DNAH14: variants seen among roughly 807,000 people sequenced by gnomAD.
DNAH14 encodes axonemal beta dynein heavy chain 14.
Under a neutral mutation model 520.9 loss-of-function variants are expected in DNAH14, and 478 were observed. The observed-to-expected ratio is 0.92, with a 90% CI of 0.85 to 0.99. DNAH14 has a LOEUF of 0.99. DNAH14 is among the 50% of genes least tolerant of loss of function. DNAH14 has a pLI of 0.00. For missense variants in DNAH14, 4,831 were observed against 5,234.5 expected, an observed-to-expected ratio of 0.92 and a Z score of 2.38; for synonymous variants, 1,581 against 1,757.2, an observed-to-expected ratio of 0.90 and a Z score of 2.51.
intron 17 of DNAH14, among the ~76,000 whole-genome samples, chr1:225,072,038 G>A (rs180777294): frequency 1.2e-3 from 178 of 152,224 alleles, no homozygotes; most frequent in Non-Finnish European, 2.0e-3. Flanking sequence ...TGATCTTCTC[G>A]TGGATCTTAC....
chr1:225,377,702 A>G (rs1395947061), intron 79 of DNAH14, among the ~76,000 whole-genome samples: 1 of 152,226 alleles, frequency 6.6e-6, no homozygotes, highest in Non-Finnish European at 1.5e-5. Context: ...AGAGATATAT[A>G]GAAAAGTATA....
Position 225,204,252 on chromosome 1 carries a change from G to T in DNAH14, c.5956G>T (p.Val1986Phe). The T allele has an allele frequency of 6.7e-7, 1 of 1,485,412 alleles. No individual in the cohort carries two copies. The highest frequency in any genetic ancestry group is 8.9e-7 in the Non-Finnish European group (1 of 1,124,884). 92.0% of individuals were successfully genotyped at this position (1,485,412 alleles called of 1,614,324 possible). ...TATTTTTGAGGAGATAGAGAAAGTT[G>T]TTAAAATTCCAGAAAATCACAGTAA... The part of the protein sequence containing the change: ...DNIFEEIEKV[V>F]KIPENHNFDW... The change falls in exon 39 of 86, where the codon GTT becomes TTT. Residue 1986 changes from valine (V) to phenylalanine (F), a missense_variant. Transcript: ENST00000682510.
intron 35 of DNAH14, among the ~76,000 whole-genome samples, chr1:225,161,167 C>G (rs1256756194): frequency 6.6e-6 from 1 of 152,072 alleles, no homozygotes; most frequent in African/African-American, 2.4e-5. Context: ...CCTCCCACTC[C>G]CCCACTACCC....
chr1:225,180,727 T>C (rs368685563), intron 36 of DNAH14, among the ~76,000 whole-genome samples: 1 of 152,350 alleles, frequency 6.6e-6, no homozygotes, highest in South Asian at 2.1e-4. Flanking sequence ...GTGACAAATA[T>C]TCAAACTGTA....
rs369582767 is a variant in DNAH14 at position 225,350,768 on chromosome 1, AG to A, written c.11297-878del. On this transcript the variant is annotated intron_variant, in intron 71 of 85. Transcript: ENST00000682510. The stretch of plus-strand genomic sequence containing the variant: ...GTAATCAAACACTGCCAAAAAAAAA[AG>A]AAAATTTTAGGACCAGATGGCTTCA... 7.3e-4 allele frequency among the ~76,000 whole-genome samples: 111 copies of A among 152,220 alleles called. 2 individuals carry two copies. The South Asian group carries it at 0.023, about 31-fold the overall frequency.
Position 225,080,388 on chromosome 1 carries a change from C to T in DNAH14, c.2776C>T (p.Pro926Ser), listed in dbSNP as rs566806085. 1 of 1,531,486 alleles carries T rather than the reference C, an allele frequency of 6.5e-7. No homozygotes were observed. Among genetic ancestry groups the T allele is most frequent in the South Asian group, 1.3e-5 (1 of 79,790 alleles). 94.9% of individuals were successfully genotyped at this position (1,531,486 alleles called of 1,614,324 possible). The change falls in exon 19 of 86, where the codon CCT (proline) becomes TCT (serine). Residue 926 changes from proline to serine, a missense_variant. Physicochemically the swap from Pro to Ser is moderately conservative, Grantham distance 74. Transcript: ENST00000682510. ...TACTCTTATTTTTTAGATAAGAACT[C>T]CTCTTCTGTTATGTGCTGGTACTCA... ...VGNLKAKIRT[P>S]LLLCAGTQVS... is the part of the protein sequence containing the mutation.
intron 10 of DNAH14, among the ~76,000 whole-genome samples, chr1:225,021,023 T>C (rs1308225378): frequency 1.3e-5 from 2 of 152,204 alleles, no homozygotes; most frequent in African/African-American, 2.4e-5. Context: ...TGATTTATTA[T>C]GTAATCAGAA....
intron 27 of DNAH14, among the ~76,000 whole-genome samples, chr1:225,124,122 T>C: frequency 6.6e-6 from 1 of 152,194 alleles, no homozygotes; most frequent in South Asian, 2.1e-4. Flanking sequence ...AAAAATACTT[T>C]ATTACTAAAA....
At chr1:225,342,985 G>A (rs927880182) in intron 69 of DNAH14, among the ~76,000 whole-genome samples, 1 of 151,966 alleles carries the variant, frequency 6.6e-6, no homozygotes, top group Non-Finnish European at 1.5e-5. Flanking sequence ...GGACTTCCCG[G>A]AAGCAAGACA....
chr1:224,938,904 A>G (rs531226418), intron 1 of DNAH14, among the ~76,000 whole-genome samples: 8 of 152,250 alleles, frequency 5.3e-5, no homozygotes, highest in Non-Finnish European at 1.0e-4. Context: ...ACTAGAGGCT[A>G]TTATGCTAAG....
rs550177161 is a variant in DNAH14, at chr1:225,115,822, C to T, written c.3868-1862C>T. On this transcript the variant is annotated intron_variant, in intron 23 of 85. Transcript: ENST00000682510. The stretch of plus-strand genomic sequence containing the variant: ...CACCATTTTGTATCAGGCACTGCTG[C>T]TATGTGTTGGTACTACAAAGATAAA... 2.6e-5 allele frequency among the ~76,000 whole-genome samples: 4 copies of T among 152,278 alleles called. No homozygotes were observed. The East Asian group carries it at 7.7e-4, about 29-fold the overall frequency.
At chr1:225,382,414 G>T (rs2095793845) in intron 81 of DNAH14, among the ~76,000 whole-genome samples, 1 of 152,054 alleles carries the variant, frequency 6.6e-6, no homozygotes, top group Non-Finnish European at 1.5e-5. Context: ...AGAAATTAAA[G>T]CATAAATCCA....
chr1:225,240,503 A>G (rs2091906371), intron 42 of DNAH14, 90 bp from the exon 43 acceptor site: 2 of 774,846 alleles, frequency 2.6e-6, no homozygotes, highest in African/African-American at 3.5e-5. Flanking sequence ...TTTAATAATG[A>G]AACTTTAACA....
chr1:225,364,421 G>A (rs1393597181), intron 75 of DNAH14, among the ~76,000 whole-genome samples: 3 of 151,876 alleles, frequency 2.0e-5, no homozygotes, highest in Non-Finnish European at 4.4e-5. Context: ...TATCAGTATG[G>A]TCTCATGGAT....
At chr1:225,236,502 T>G (rs1044514194) in intron 42 of DNAH14, among the ~76,000 whole-genome samples, 5 of 152,116 alleles carry the variant, frequency 3.3e-5, no homozygotes, top group Admixed American at 6.5e-5. Context: ...TGTTGTGTTG[T>G]TTTTGGGTGA....
At chr1:225,057,204 T>C (rs1358862953) in intron 17 of DNAH14, among the ~76,000 whole-genome samples, 2 of 152,228 alleles carry the variant, frequency 1.3e-5, no homozygotes, top group Non-Finnish European at 2.9e-5. Flanking sequence ...CTCTTTTATT[T>C]CATTGAGCAG....
chr1:225,346,858 T>C (rs1331774670), intron 71 of DNAH14, among the ~76,000 whole-genome samples: 1 of 152,130 alleles, frequency 6.6e-6, no homozygotes, highest in Admixed American at 6.5e-5. Context: ...AATCCTAACC[T>C]ACAAAGCAGA....
intron 11 of DNAH14, among the ~76,000 whole-genome samples, chr1:225,029,945 C>T (rs2066411318): frequency 6.6e-6 from 1 of 151,878 alleles, no homozygotes; most frequent in Non-Finnish European, 1.5e-5. Flanking sequence ...ATCATTGCAA[C>T]CCATGGATAC....
chr1:224,975,649 C>A (rs2061774949), intron 8 of DNAH14, among the ~76,000 whole-genome samples: 1 of 151,110 alleles, frequency 6.6e-6, no homozygotes, highest in South Asian at 2.1e-4. Flanking sequence ...TGCGGTCTTT[C>A]AATTTTGTTG....
Sources: allele counts gnomAD v4.1 joint callset (sites outside exome capture counted in the v4.1 genomes callset), GRCh38; gene constraint gnomAD v4.1.1; transcripts MANE v1.5; gene names NCBI Gene and HGNC (gene_info 2026-07-23, HGNC 2026-07-21).